Variants in CHRM2 observed in about 807,000 individuals in gnomAD.
CHRM2 encodes the protein cholinergic receptor muscarinic 2.
CHRM2 carries 8 observed loss-of-function variants against 25.0 expected under a neutral mutation model. The ratio of observed to expected loss-of-function variants is 0.32; its 90% CI spans 0.19 to 0.58. CHRM2 has a LOEUF of 0.58. Ranked by LOEUF, CHRM2 falls within the 20% of genes least tolerant of loss-of-function variation. The pLI is 0.88. For missense variants in CHRM2, 440 were observed against 567.1 expected (o/e 0.78, Z 2.28); for synonymous variants, 202 against 205.7 (o/e 0.98, Z 0.15).
chr7:136,939,859 C>T (rs1034308017), intron 2 of CHRM2, among the ~76,000 whole-genome samples: 1 of 152,104 alleles, frequency 6.6e-6, no homozygotes, highest in Non-Finnish European at 1.5e-5. Context: ...GAGGATTTAT[C>T]TATATAAATT....
Position 136,965,233 on chromosome 7 carries a change from T to C in CHRM2, c.-124-26954T>C, listed in dbSNP as rs576265127. 2.8e-4 allele frequency among the ~76,000 whole-genome samples: 42 copies of C among 152,210 alleles called. 1 individual carries two copies. In the South Asian group the frequency reaches 8.7e-3, roughly 32 times the overall value. On this transcript the variant is annotated intron_variant, in intron 2 of 3. Transcript: ENST00000680005. ...TACAAGCTGATGCAGAAACAACATA[T>C]ATTAATGGTGAGGGGATTAAAACAT...
In CHRM2 at chr7:136,872,475, C is replaced by A. The variant is rs114158436; in HGVS notation, c.-125+3057C>A. On this transcript the variant is annotated intron_variant, in intron 2 of 3. Coordinates refer to ENST00000680005, the MANE Select transcript of CHRM2 (RefSeq NM_001006630.2). ...AAACACATATTGCTCTAAATTTGAC[C>A]CTATCGCCTTCATTGCCCAGAAAGT... Among the ~76,000 whole-genome samples, 829 of 152,234 alleles carry A rather than the reference C, an allele frequency of 5.4e-3. 8 individuals carry two copies. The highest frequency in any genetic ancestry group is 0.019 in the African/African-American group (774 of 41,530).
At chr7:136,949,758 GA>G (rs1800291711) in intron 2 of CHRM2, among the ~76,000 whole-genome samples, 1 of 5,966 alleles carries the variant, frequency 1.7e-4, no homozygotes, top group African/African-American at 6.5e-4. Flanking sequence ...TTTTTTTTTG[GA>G]GACAGAGTCT....
intron 2 of CHRM2, among the ~76,000 whole-genome samples, chr7:136,891,462 C>T (rs954508006): frequency 1.3e-5 from 2 of 152,104 alleles, no homozygotes; most frequent in Non-Finnish European, 2.9e-5. Flanking sequence ...GGGATGAGGA[C>T]CACAGAAGAT....
At chr7:136,904,918 T>C (rs954330811) in intron 2 of CHRM2, among the ~76,000 whole-genome samples, 1 of 151,940 alleles carries the variant, frequency 6.6e-6, no homozygotes, top group Admixed American at 6.6e-5. Flanking sequence ...CTCACTACAC[T>C]TCTGTATTTG....
At chr7:136,938,705 T>C (rs915405284) in intron 2 of CHRM2, among the ~76,000 whole-genome samples, 1 of 152,004 alleles carries the variant, frequency 6.6e-6, no homozygotes, top group African/African-American at 2.4e-5. Context: ...GGACACCTTG[T>C]AGGACTGTAC....
chr7:136,906,170 TCA>T (rs1563057663), intron 2 of CHRM2, among the ~76,000 whole-genome samples: 3 of 150,714 alleles, frequency 2.0e-5, no homozygotes, highest in Admixed American at 6.7e-5. Context: ...ACATATATAC[TCA>T]CATATGGTTT....
At chr7:136,957,069 G>C (rs1800768262) in intron 2 of CHRM2, among the ~76,000 whole-genome samples, 1 of 152,180 alleles carries the variant, frequency 6.6e-6, no homozygotes, top group African/African-American at 2.4e-5. Flanking sequence ...CAATCCTCTT[G>C]GATGACTGAC....
chr7:136,929,131 T>C (rs1474434793), intron 2 of CHRM2, among the ~76,000 whole-genome samples: 1 of 145,216 alleles, frequency 6.9e-6, no homozygotes, highest in Non-Finnish European at 1.5e-5. Context: ...GTCATTTTAT[T>C]TTTTTTTATC....
chr7:136,971,911 C>A (rs1053611883), intron 2 of CHRM2, among the ~76,000 whole-genome samples: 1 of 152,108 alleles, frequency 6.6e-6, no homozygotes, highest in Non-Finnish European at 1.5e-5. Flanking sequence ...TGGTGCTAAT[C>A]TCTAAAGGGA....
rs1805325037 is a variant in CHRM2 at position 137,019,319 on chromosome 7, C to T, written c.*3053C>T. On this transcript the variant is annotated 3_prime_UTR_variant, in exon 4 of 4. Transcript: ENST00000680005. ...CACAGATTGGGAACTCAGGCCACAT[C>T]TACATATCAAAAATCACCAGACTAT... 1 of 151,870 alleles carries T rather than the reference C, an allele frequency of 6.6e-6. No homozygotes were observed. Among genetic ancestry groups the T allele is most frequent in the South Asian group, 2.1e-4 (1 of 4,830 alleles). 9.4% of individuals were successfully genotyped at this position (151,870 alleles called of 1,614,324 possible). A position where few individuals can be genotyped will look rare whatever the true frequency, so the allele number is the denominator to read the frequency against.
chr7:136,987,767 T>A (rs1802955729), intron 2 of CHRM2, among the ~76,000 whole-genome samples: 1 of 152,192 alleles, frequency 6.6e-6, no homozygotes, highest in African/African-American at 2.4e-5. Context: ...TTCAATCATA[T>A]TACCCTCTCT....
intron 3 of CHRM2, among the ~76,000 whole-genome samples, chr7:136,997,266 A>G (rs919875521): frequency 6.6e-6 from 1 of 152,206 alleles, no homozygotes; most frequent in African/African-American, 2.4e-5. Context: ...AAAAGCAGTA[A>G]AAGTTCACAG....
At chr7:136,971,051 A>G (rs1022964590) in intron 2 of CHRM2, among the ~76,000 whole-genome samples, 1 of 152,236 alleles carries the variant, frequency 6.6e-6, no homozygotes, top group African/African-American at 2.4e-5. Flanking sequence ...ATAAACACTG[A>G]ATAAATAGTT....
intron 2 of CHRM2, among the ~76,000 whole-genome samples, chr7:136,983,877 T>C (rs1454078626): frequency 2.6e-5 from 4 of 152,204 alleles, no homozygotes; most frequent in African/African-American, 4.8e-5. Flanking sequence ...TGTCAATCCC[T>C]GCTGGGAGAT....
rs112008106 is a variant in CHRM2, at chr7:136,998,184, G to A, written c.-47+5920G>A. 9.5e-3 allele frequency among the ~76,000 whole-genome samples: 1,446 copies of A among 152,270 alleles called. 18 individuals are homozygous for A. Among genetic ancestry groups the A allele is most frequent in the African/African-American group, 0.033 (1,362 of 41,560 alleles). ...TCAAGCTCATACGTTTCAATATTGA[G>A]AGTGAAATGAAGATACAGATAGCAA... On this transcript the variant is annotated intron_variant, in intron 3 of 3. Transcript: ENST00000680005.
At chr7:136,920,331 G>C (rs1409571018) in intron 2 of CHRM2, among the ~76,000 whole-genome samples, 1 of 152,118 alleles carries the variant, frequency 6.6e-6, no homozygotes, top group Non-Finnish European at 1.5e-5. Flanking sequence ...ATAATGAAGT[G>C]ATTAAGTAGT....
chr7:136,949,088 G>A (rs1363855252), intron 2 of CHRM2, among the ~76,000 whole-genome samples: 1 of 152,146 alleles, frequency 6.6e-6, no homozygotes, highest in Non-Finnish European at 1.5e-5. Context: ...ACACTAGGCG[G>A]TGTCCTTGGA....
intron 2 of CHRM2, among the ~76,000 whole-genome samples, chr7:136,962,219 G>C (rs985726815): frequency 6.6e-6 from 1 of 151,814 alleles, no homozygotes; most frequent in African/African-American, 2.4e-5. Context: ...TGCAACCTCT[G>C]TCTCTGAGGT....
Sources: gnomAD v4.1 joint callset for allele counts (sites outside exome capture counted in the v4.1 genomes callset) on GRCh38, gnomAD v4.1.1 for gene constraint, MANE v1.5 for transcripts, NCBI Gene and HGNC (gene_info 2026-07-23, HGNC 2026-07-21) for gene names.